The following JAKMIP3 variants were observed in gnomAD, a reference collection of about 807,000 sequenced individuals.
The protein encoded by JAKMIP3 is Janus kinase and microtubule interacting protein 3.
In JAKMIP3, 58 loss-of-function variants were observed where a neutral mutation model predicts 118.5. The ratio of observed to expected loss-of-function variants is 0.49; its 90% CI spans 0.40 to 0.61. The LOEUF is 0.61. JAKMIP3 is among the 20% of genes least tolerant of loss of function. JAKMIP3 has a pLI of 0.00. For synonymous variants in JAKMIP3, 486 were observed against 451.2 expected (o/e 1.08, Z -0.98); for missense variants, 950 against 1,109.0 (o/e 0.86, Z 2.04).
chr10:132,137,318 C>G, intron 8 of JAKMIP3, 29 bp downstream of exon 8: 2 of 1,613,362 alleles, frequency 1.2e-6, no homozygotes, highest in South Asian at 2.2e-5. Flanking sequence ...CGCTTCCCCA[C>G]GCCTCCGCTC....
chr10:132,135,451 G>C (rs2051551569), intron 5 of JAKMIP3, among the ~76,000 whole-genome samples: 2 of 152,212 alleles, frequency 1.3e-5, no homozygotes, highest in Admixed American at 1.3e-4. Flanking sequence ...CCTCTCAGTG[G>C]GGCTGTTGCC....
intron 2 of JAKMIP3, among the ~76,000 whole-genome samples, chr10:132,110,741 C>T (rs1252339355): frequency 1.3e-5 from 2 of 152,236 alleles, no homozygotes; most frequent in African/African-American, 4.8e-5. Flanking sequence ...CTGACTCCTC[C>T]AGGTGCCAGC....
In JAKMIP3 at chr10:132,127,895, G is replaced by A. The variant is rs763041352; in HGVS notation, c.634-5417G>A. On this transcript the variant is annotated intron_variant, in intron 3 of 23. Coordinates refer to ENST00000684848, the MANE Select transcript of JAKMIP3 (RefSeq NM_001323087.2). ...AACCAAAATACAAGTACCTTATAAGGCAATAGGTCAACTCCATTTACCCAC... is the reference window on the plus strand; with the variant it reads ...AACCAAAATACAAGTACCTTATAAGACAATAGGTCAACTCCATTTACCCAC... Among the ~76,000 whole-genome samples, 43 of 151,964 alleles carry A rather than the reference G, an allele frequency of 2.8e-4. 1 individual carries two copies. Among genetic ancestry groups the A allele is most frequent in the Non-Finnish European group, 8.8e-5 (6 of 67,984 alleles).
chr10:132,048,466 T>C (rs2037995023), intron 1 of JAKMIP3, among the ~76,000 whole-genome samples: 1 of 152,216 alleles, frequency 6.6e-6, no homozygotes, highest in South Asian at 2.1e-4. Flanking sequence ...CGTGGATACT[T>C]ATTCCATGGG....
chr10:132,133,015 A>G (rs2135699305), intron 3 of JAKMIP3, among the ~76,000 whole-genome samples: 1 of 152,318 alleles, frequency 6.6e-6, no homozygotes, highest in Middle Eastern at 3.4e-3. Context: ...GTGTGCACCC[A>G]GGGCCCCGGC....
rs1363268589 is a variant in JAKMIP3 at position 132,049,349 on chromosome 10, T to C, written c.-138+12611T>C. On this transcript the variant is annotated intron_variant, in intron 1 of 23. Coordinates refer to the JAKMIP3 transcript ENST00000657785. The surrounding 1 kb of genome is among the most constrained non-coding windows in gnomAD (Gnocchi z 4.3). ...TCCTCACCTTCCACTTCCTCCTCTT[T>C]CTTGCTGACCTGTTACTTTTCTCTT... Among the ~76,000 whole-genome samples, 1 of 152,206 alleles carries C rather than the reference T, an allele frequency of 6.6e-6. No individual in the cohort carries two copies. Among genetic ancestry groups the C allele is most frequent in the Non-Finnish European group, 1.5e-5 (1 of 68,036 alleles).
rs985965835 is a variant in JAKMIP3, at chr10:132,154,848, T to C, written c.2220+858T>C. Among the ~76,000 whole-genome samples the C allele has an allele frequency of 5.7e-3, 623 of 110,150 alleles. 5 individuals are homozygous for C. The highest frequency in any genetic ancestry group is 0.02 in the African/African-American group (580 of 29,624). 72.3% of individuals were successfully genotyped at this position (110,150 alleles called of 152,430 possible). On this transcript the variant is annotated intron_variant, in intron 19 of 23. Coordinates refer to ENST00000684848, the MANE Select transcript of JAKMIP3 (RefSeq NM_001323087.2). ...ATGGCAATGGTGATGGTGGTGGCGG[T>C]GGTGGTGGTGATGGTGGTGATAGTG...
At chr10:132,071,480 C>CT (rs1039059646) in intron 1 of JAKMIP3, among the ~76,000 whole-genome samples, 8 of 152,162 alleles carry the variant, frequency 5.3e-5, no homozygotes, top group African/African-American at 1.9e-4. Flanking sequence ...TCTCTTGCTG[C>CT]TTTTTCAGTC....
chr10:132,042,600 G>C (rs57867867), intron 1 of JAKMIP3, among the ~76,000 whole-genome samples: 176 of 152,290 alleles, frequency 1.2e-3, no homozygotes, highest in African/African-American at 4.1e-3. Context: ...AGGGATGAGT[G>C]CAGGCTCTCA....
rs1388317858 is a variant in JAKMIP3 at position 132,117,858 on chromosome 10, A to G, written c.633+284A>G. On this transcript the variant is annotated intron_variant, in intron 3 of 23. Coordinates refer to ENST00000684848, the MANE Select transcript of JAKMIP3 (RefSeq NM_001323087.2). This position sits in a 1 kb window ranked among gnomAD's most constrained non-coding sequence, Gnocchi z 8.6. Reference sequence around the variant, plus strand: ...CCCCTTTTCCACAAACACCAGCTCTACTTCCTTTCTTAACTTGGGCCACAG... The same window carrying G: ...CCCCTTTTCCACAAACACCAGCTCTGCTTCCTTTCTTAACTTGGGCCACAG... Among the ~76,000 whole-genome samples the G allele has an allele frequency of 1.3e-5, 2 of 152,128 alleles. No individual in the cohort carries two copies. Among genetic ancestry groups the G allele is most frequent in the Non-Finnish European group, 2.9e-5 (2 of 68,016 alleles).
intron 9 of JAKMIP3, among the ~76,000 whole-genome samples, chr10:132,138,498 G>A (rs1230244437): frequency 6.6e-6 from 1 of 152,198 alleles, no homozygotes; most frequent in East Asian, 1.9e-4. Flanking sequence ...TGTGTGGAGA[G>A]CGTGCTGGCG....
rs1208631805 is a variant in JAKMIP3 at position 132,168,315 on chromosome 10, C to T, written c.*385C>T. Reference sequence around the variant, plus strand: ...TGCAGAAGCACCAGCCGCGGGTCCCCTCCTCTCTCTTGGTTCTCACAGTAG... The same window carrying T: ...TGCAGAAGCACCAGCCGCGGGTCCCTTCCTCTCTCTTGGTTCTCACAGTAG... On this transcript the variant is annotated 3_prime_UTR_variant, in exon 23 of 24. Transcript: ENST00000684848. 29 of 1,289,420 alleles carry T rather than the reference C, an allele frequency of 2.2e-5. No individual in the cohort carries two copies. Among genetic ancestry groups the T allele is most frequent in the Non-Finnish European group, 2.9e-5 (29 of 988,816 alleles). The allele number at this position is 1,289,420 out of a possible 1,614,324, so 79.9% of individuals were successfully genotyped here.
chr10:132,038,480 C>T (rs73393884), intron 1 of JAKMIP3, among the ~76,000 whole-genome samples: 2,165 of 152,220 alleles, frequency 0.014, 54 homozygotes, highest in African/African-American at 0.05. Context: ...AAAGACGACA[C>T]AAAAGAAATA....
chr10:132,117,703 C>T lies in JAKMIP3; in HGVS notation c.633+129C>T. 9.0e-7 allele frequency: 1 copy of T among 1,110,882 alleles called. No individual in the cohort carries two copies. 68.8% of individuals were successfully genotyped at this position (1,110,882 alleles called of 1,614,324 possible). A position where few individuals can be genotyped will look rare whatever the true frequency, so the allele number is the denominator to read the frequency against. On this transcript the variant is annotated intron_variant, in intron 3 of 23. Coordinates refer to ENST00000684848, the MANE Select transcript of JAKMIP3 (RefSeq NM_001323087.2). This position sits in a 1 kb window ranked among gnomAD's most constrained non-coding sequence, Gnocchi z 8.6. Reference sequence around the variant, plus strand: ...GCACGCGGGCAGCACCGGCTTCACCCCCCATGACATTCTTAGCACAGGCTC... The same window carrying T: ...GCACGCGGGCAGCACCGGCTTCACCTCCCATGACATTCTTAGCACAGGCTC...
At chr10:132,041,936 G>A (rs929525386) in intron 1 of JAKMIP3, among the ~76,000 whole-genome samples, 1 of 151,004 alleles carries the variant, frequency 6.6e-6, no homozygotes, top group African/African-American at 2.4e-5. Flanking sequence ...GTGCCATCTC[G>A]GGTCACTGCA....
intron 1 of JAKMIP3, among the ~76,000 whole-genome samples, chr10:132,089,985 G>C (rs1468446417): frequency 6.6e-6 from 1 of 152,110 alleles, no homozygotes; most frequent in Non-Finnish European, 1.5e-5. Context: ...TTTTGTCTTT[G>C]GTTCTGTTTA....
In JAKMIP3 at chr10:132,133,532, GCAC is replaced by G; in HGVS notation, c.849+7_849+9del. On this transcript the variant is annotated splice_donor_region_variant and intron_variant, in intron 4 of 23. Coordinates refer to ENST00000684848, the MANE Select transcript of JAKMIP3 (RefSeq NM_001323087.2). ...TCAGACCACTCGGGAAGCCCTGTAA[GCAC>G]CTCCCAGGCCCACCGGCCCACCCCG... 1.3e-6 allele frequency: 2 copies of G among 1,556,290 alleles called. No homozygotes were observed. The highest frequency in any genetic ancestry group is 2.4e-5 in the South Asian group (2 of 84,330).
chr10:132,154,008 G>A lies in JAKMIP3; in HGVS notation c.2220+18G>A, dbSNP rs1467551292. ...CCAACAAGGTGAGAGGCACGAGACTGCTGGAACCCCGGGGAGGGGCACTGG... is the reference window on the plus strand; with the variant it reads ...CCAACAAGGTGAGAGGCACGAGACTACTGGAACCCCGGGGAGGGGCACTGG... On this transcript the variant is annotated intron_variant, in intron 19 of 23. Transcript: ENST00000684848. 6.2e-7 allele frequency: 1 copy of A among 1,611,376 alleles called. No individual in the cohort carries two copies. Among genetic ancestry groups the A allele is most frequent in the East Asian group, 2.2e-5 (1 of 44,876 alleles).
At chr10:132,084,194 G>T (rs959958226) in intron 1 of JAKMIP3, among the ~76,000 whole-genome samples, 5 of 152,106 alleles carry the variant, frequency 3.3e-5, no homozygotes, top group African/African-American at 1.2e-4. Flanking sequence ...CCACTCGTTT[G>T]TGTTATCTAT....
Sources: gnomAD v4.1 joint callset for allele counts (sites outside exome capture counted in the v4.1 genomes callset) on GRCh38, gnomAD v4.1.1 for gene constraint, Gnocchi (gnomAD v3.1) non-coding constraint, MANE v1.5 for transcripts, NCBI Gene and HGNC (gene_info 2026-07-23, HGNC 2026-07-21) for gene names.